Variants in SNTG1 observed in about 807,000 individuals in gnomAD.
The protein encoded by SNTG1 is syntrophin gamma 1.
In SNTG1, 39 loss-of-function variants were observed where a neutral mutation model predicts 74.7. The ratio of observed to expected loss-of-function variants is 0.52; its 90% CI spans 0.40 to 0.68. The LOEUF is 0.68. Ranked by LOEUF, SNTG1 falls within the 30% of genes least tolerant of loss-of-function variation. The pLI, the probability that SNTG1 is intolerant of heterozygous loss-of-function variation, is 0.00. For missense variants in SNTG1, 685 were observed against 609.5 expected (o/e 1.12, Z -1.30); for synonymous variants, 254 against 217.1 (o/e 1.17, Z -1.49).
intron 1 of SNTG1, among the ~76,000 whole-genome samples, chr8:49,979,499 C>T (rs889065787): frequency 7.9e-5 from 12 of 152,190 alleles, no homozygotes; most frequent in Admixed American, 7.9e-4. Context: ...TCTGCCCAAC[C>T]TTTGCACTTC....
chr8:50,119,985 T>A lies in SNTG1; in HGVS notation c.-102-52576T>A, dbSNP rs531714585. The stretch of plus-strand genomic sequence containing the variant: ...AATTACTTATCATCAGTTTTGTTCA[T>A]GATAATTTAGTTTCTTGCCTTGAGA... On this transcript the variant is annotated intron_variant, in intron 1 of 18. Coordinates refer to ENST00000642720, the MANE Select transcript of SNTG1 (RefSeq NM_018967.5). Among the ~76,000 whole-genome samples, 4 of 142,184 alleles carry A rather than the reference T, an allele frequency of 2.8e-5. 1 individual carries two copies. Among genetic ancestry groups the A allele is most frequent in the African/African-American group, 1.0e-4 (4 of 39,382 alleles). The allele number at this position is 142,184 out of a possible 152,430, so 93.3% of individuals were successfully genotyped here.
chr8:50,354,875 G>A (rs1239992718), intron 2 of SNTG1, among the ~76,000 whole-genome samples: 1 of 152,040 alleles, frequency 6.6e-6, no homozygotes, highest in Non-Finnish European at 1.5e-5. Context: ...TAAAATTAAA[G>A]GTGAAATAGG....
intron 13 of SNTG1, among the ~76,000 whole-genome samples, chr8:50,655,841 T>C (rs1302854136): frequency 2.0e-5 from 3 of 152,194 alleles, no homozygotes; most frequent in Admixed American, 1.3e-4. Flanking sequence ...TATTTCTTTC[T>C]TTCTGAAAGT....
chr8:49,991,818 T>C (rs1275698180), intron 1 of SNTG1, among the ~76,000 whole-genome samples: 1 of 152,086 alleles, frequency 6.6e-6, no homozygotes, highest in East Asian at 1.9e-4. Context: ...AAGAATGGGG[T>C]GTGAATGCTT....
intron 15 of SNTG1, among the ~76,000 whole-genome samples, chr8:50,683,170 C>A (rs2095337952): frequency 6.6e-6 from 1 of 152,160 alleles, no homozygotes; most frequent in Admixed American, 6.5e-5. Context: ...GCTTGCAATC[C>A]ATTTTTTGGT....
chr8:50,047,502 G>A (rs1388348723), intron 1 of SNTG1, among the ~76,000 whole-genome samples: 2 of 152,062 alleles, frequency 1.3e-5, no homozygotes, highest in Non-Finnish European at 2.9e-5. Flanking sequence ...AAAATTAAGA[G>A]ATACTAGGTA....
intron 13 of SNTG1, among the ~76,000 whole-genome samples, chr8:50,619,725 C>T (rs1292609381): frequency 5.8e-5 from 8 of 137,670 alleles, no homozygotes; most frequent in Non-Finnish European, 7.6e-5. Flanking sequence ...AGCGAGACTC[C>T]GTCTCGAAAA....
intron 1 of SNTG1, among the ~76,000 whole-genome samples, chr8:50,144,638 G>A (rs1456405203): frequency 6.6e-6 from 1 of 152,106 alleles, no homozygotes; most frequent in Non-Finnish European, 1.5e-5. Context: ...TCAGGAATGG[G>A]GATGGAGTGA....
chr8:50,387,260 G>A (rs551068113), intron 2 of SNTG1, among the ~76,000 whole-genome samples: 19 of 152,148 alleles, frequency 1.2e-4, no homozygotes, highest in African/African-American at 4.6e-4. Flanking sequence ...TAGTTCCTAT[G>A]GTAATTTCTG....
At chr8:50,598,049 GT>G (rs909168504) in intron 13 of SNTG1, among the ~76,000 whole-genome samples, 1 of 150,490 alleles carries the variant, frequency 6.6e-6, no homozygotes, top group African/African-American at 2.4e-5. Flanking sequence ...GTTTGTTTTT[GT>G]TTTTTGTTTT....
At position 50,570,240 on chromosome 8, in the gene SNTG1, T is replaced by TATTTTATTTTATTTTATTTTATTTA. The variant is rs1236357420; in HGVS notation, c.810+17085_810+17086insAATTTTATTTTATTTTATTTTATTT. Among the ~76,000 whole-genome samples the TATTTTATTTTATTTTATTTTATTTA allele has an allele frequency of 4.8e-5, 3 of 63,044 alleles. 1 individual carries two copies. Among genetic ancestry groups the TATTTTATTTTATTTTATTTTATTTA allele is most frequent in the African/African-American group, 1.1e-4 (3 of 26,182 alleles). 41.4% of individuals were successfully genotyped at this position (63,044 alleles called of 152,430 possible). On this transcript the variant is annotated intron_variant, in intron 12 of 18. Coordinates refer to ENST00000642720, the MANE Select transcript of SNTG1 (RefSeq NM_018967.5). Reference sequence around the variant, plus strand: ...TGGTGGTTCTATTTTTATTTTATTTTATTTTATTTTATTTTATTTTATTTT... The same window carrying TATTTTATTTTATTTTATTTTATTTA: ...TGGTGGTTCTATTTTTATTTTATTTTATTTTATTTTATTTTATTTTATTTAATTTTATTTTATTTTATTTTATTTT...
intron 2 of SNTG1, among the ~76,000 whole-genome samples, chr8:50,192,882 C>T (rs1011313899): frequency 6.6e-6 from 1 of 152,080 alleles, no homozygotes; most frequent in Non-Finnish European, 1.5e-5. Flanking sequence ...AGCCAATTAT[C>T]CCAGCACTAT....
intron 18 of SNTG1, among the ~76,000 whole-genome samples, chr8:50,786,328 T>C (rs1162430754): frequency 6.6e-6 from 1 of 151,968 alleles, no homozygotes; most frequent in Non-Finnish European, 1.5e-5. Flanking sequence ...AAATATTGTG[T>C]ACTGAAAACT....
intron 2 of SNTG1, among the ~76,000 whole-genome samples, chr8:50,187,015 G>A (rs1313462221): frequency 6.6e-6 from 1 of 151,892 alleles, no homozygotes; most frequent in Non-Finnish European, 1.5e-5. Flanking sequence ...TATGGTTTGG[G>A]GTTTTACATT....
intron 8 of SNTG1, among the ~76,000 whole-genome samples, chr8:50,492,948 T>G (rs2093871297): frequency 6.6e-6 from 1 of 152,158 alleles, no homozygotes; most frequent in Non-Finnish European, 1.5e-5. Flanking sequence ...GTTTTCTGCA[T>G]ACTGGTACCA....
At chr8:50,486,915 G>T (rs1210911796) in intron 8 of SNTG1, among the ~76,000 whole-genome samples, 2 of 151,950 alleles carry the variant, frequency 1.3e-5, no homozygotes, top group African/African-American at 4.8e-5. Flanking sequence ...TAATCATGTG[G>T]TTTTTGTCTT....
At chr8:50,464,625 C>T (rs553211981) in intron 8 of SNTG1, among the ~76,000 whole-genome samples, 4 of 151,832 alleles carry the variant, frequency 2.6e-5, no homozygotes, top group East Asian at 2.0e-4. Context: ...CTAAGATCAC[C>T]GATCATCAAG....
chr8:50,672,830 T>C (rs10958026), intron 15 of SNTG1, among the ~76,000 whole-genome samples: 46,929 of 152,018 alleles, frequency 0.31, 8,551 homozygotes, highest in African/African-American at 0.51. Flanking sequence ...GTTTTACATT[T>C]AAGTGTTTAA....
At chr8:50,721,977 A>T (rs979750959) in intron 17 of SNTG1, among the ~76,000 whole-genome samples, 5 of 152,242 alleles carry the variant, frequency 3.3e-5, no homozygotes, top group South Asian at 4.1e-4. Context: ...CCATCAAATG[A>T]TTCAGTGTCA....
Sources: gnomAD v4.1 joint callset for allele counts (sites outside exome capture counted in the v4.1 genomes callset) on GRCh38, gnomAD v4.1.1 for gene constraint, MANE v1.5 for transcripts, NCBI Gene and HGNC (gene_info 2026-07-23, HGNC 2026-07-21) for gene names.